The following CDYL2 variants were observed in gnomAD, a reference collection of about 807,000 sequenced individuals.
The protein encoded by CDYL2 is chromodomain Y like 2.
A neutral mutation model predicts 49.4 loss-of-function variants in CDYL2; 23 were observed. The ratio of observed to expected loss-of-function variants is 0.47; its 90% CI spans 0.34 to 0.66. The LOEUF (loss-of-function observed/expected upper bound fraction) is 0.66, where lower values mean the gene tolerates loss of function less well. CDYL2 is among the 30% of genes least tolerant of loss of function. The probability of loss-of-function intolerance (pLI) is 0.01; values close to 1 mark genes in which losing one functional copy is unlikely to be tolerated. For missense variants in CDYL2, 678 were observed against 656.4 expected (o/e 1.03, Z -0.36); for synonymous variants, 360 against 268.8 (o/e 1.34, Z -3.32).
At chr16:80,741,273 T>G (rs540181032) in intron 1 of CDYL2, among the ~76,000 whole-genome samples, 6 of 151,470 alleles carry the variant, frequency 4.0e-5, no homozygotes, top group Admixed American at 1.3e-4. Flanking sequence ...ACTGGTTAAG[T>G]AAAGGGAAAT....
At chr16:80,717,736 C>G (rs2142520588) in intron 1 of CDYL2, among the ~76,000 whole-genome samples, 1 of 152,308 alleles carries the variant, frequency 6.6e-6, no homozygotes, top group South Asian at 2.1e-4. Context: ...ATGTAAAAGG[C>G]AGACAGGAAA....
chr16:80,677,937 A>C (rs1909821505), intron 2 of CDYL2, among the ~76,000 whole-genome samples: 1 of 151,796 alleles, frequency 6.6e-6, no homozygotes, highest in African/African-American at 2.4e-5. Context: ...AACAGAACAG[A>C]GCCCTCAGAA....
intron 2 of CDYL2, among the ~76,000 whole-genome samples, chr16:80,664,753 C>G (rs777229531): frequency 1.3e-5 from 2 of 152,134 alleles, no homozygotes; most frequent in Non-Finnish European, 2.9e-5. Flanking sequence ...GATCTGAATC[C>G]TGGAACAGCC....
chr16:80,730,568 T>C (rs957324822), intron 1 of CDYL2, among the ~76,000 whole-genome samples: 8 of 151,608 alleles, frequency 5.3e-5, no homozygotes, highest in African/African-American at 1.2e-4. Flanking sequence ...TTCCAATCAA[T>C]AGAAAAAGAG....
intron 1 of CDYL2, among the ~76,000 whole-genome samples, chr16:80,774,023 C>CTA (rs1906997122): frequency 6.6e-6 from 1 of 151,988 alleles, no homozygotes. Flanking sequence ...TGGCAGCGTT[C>CTA]TATAAGGTGA....
At chr16:80,731,223 A>G (rs557167442) in intron 1 of CDYL2, among the ~76,000 whole-genome samples, 13 of 149,406 alleles carry the variant, frequency 8.7e-5, no homozygotes, top group Admixed American at 3.4e-4. Flanking sequence ...ACAAAACCAA[A>G]AAGTGAAGCT....
chr16:80,678,873 C>A (rs1302282506), intron 2 of CDYL2, among the ~76,000 whole-genome samples: 1 of 151,044 alleles, frequency 6.6e-6, no homozygotes, highest in African/African-American at 2.5e-5. Context: ...AAATGTCCAA[C>A]AATGATAGAT....
intron 1 of CDYL2, among the ~76,000 whole-genome samples, chr16:80,791,856 C>A (rs1393903279): frequency 6.6e-6 from 1 of 152,110 alleles, no homozygotes; most frequent in South Asian, 2.1e-4. Context: ...TGTTGAAAGA[C>A]TCATGAGTAT....
rs56923360 is a variant in CDYL2, at chr16:80,701,564, G to A, written c.25-16435C>T. 8.5e-5 allele frequency among the ~76,000 whole-genome samples: 13 copies of A among 152,156 alleles called. No individual in the cohort carries two copies. The East Asian group carries it at 1.3e-3, about 16-fold the overall frequency. On this transcript the variant is annotated intron_variant, in intron 1 of 6. Coordinates refer to ENST00000570137, the MANE Select transcript of CDYL2 (RefSeq NM_152342.4). Reference sequence around the variant, plus strand: ...TCCAAAAAACAACCAAAAAAACACCGAATTGCAAACGTTAACTTTCACAAG... The same window carrying A: ...TCCAAAAAACAACCAAAAAAACACCAAATTGCAAACGTTAACTTTCACAAG...
At chr16:80,688,895 CCAAAAACAAACAAA>C (rs1395031785) in intron 1 of CDYL2, among the ~76,000 whole-genome samples, 4 of 152,124 alleles carry the variant, frequency 2.6e-5, no homozygotes, top group East Asian at 1.9e-4. Flanking sequence ...ACTCCTCACA[CCAAAAACAAACAAA>C]CAAAAACAAA....
chr16:80,719,607 G>A (rs987261038), intron 1 of CDYL2, among the ~76,000 whole-genome samples: 1 of 152,166 alleles, frequency 6.6e-6, no homozygotes, highest in Non-Finnish European at 1.5e-5. Flanking sequence ...CAACAACTTA[G>A]AATTGAGACA....
intron 2 of CDYL2, among the ~76,000 whole-genome samples, chr16:80,672,464 T>C (rs958728502): frequency 2.4e-5 from 3 of 125,786 alleles, no homozygotes; most frequent in African/African-American, 9.2e-5. Flanking sequence ...CATTTTAAAA[T>C]GCCCAGGAAA....
chr16:80,730,549 C>T (rs886698865), intron 1 of CDYL2, among the ~76,000 whole-genome samples: 2 of 152,030 alleles, frequency 1.3e-5, no homozygotes, highest in African/African-American at 4.8e-5. Flanking sequence ...ACCATTCCTT[C>T]TGAAACTATT....
At chr16:80,708,619 G>A (rs73595115) in intron 1 of CDYL2, among the ~76,000 whole-genome samples, 1 of 152,142 alleles carries the variant, frequency 6.6e-6, no homozygotes, top group Non-Finnish European at 1.5e-5. Context: ...AAGGATTTCT[G>A]TCAAGGAGAA....
At chr16:80,610,816 C>A (rs1388759427) in intron 5 of CDYL2, among the ~76,000 whole-genome samples, 1 of 152,182 alleles carries the variant, frequency 6.6e-6, no homozygotes, top group East Asian at 1.9e-4. Flanking sequence ...GGGTGCTTCT[C>A]TGGCACTTTT....
intron 1 of CDYL2, among the ~76,000 whole-genome samples, chr16:80,780,897 G>C (rs570997496): frequency 6.6e-6 from 1 of 152,268 alleles, no homozygotes; most frequent in Admixed American, 6.5e-5. Flanking sequence ...ATTCTGACCT[G>C]TAGATGTTAA....
chr16:80,665,056 G>A (rs971693644), intron 2 of CDYL2, among the ~76,000 whole-genome samples: 1 of 152,084 alleles, frequency 6.6e-6, no homozygotes, highest in African/African-American at 2.4e-5. Flanking sequence ...CTGCTTCTAG[G>A]TATACAATAC....
chr16:80,722,738 C>G (rs1296110462), intron 1 of CDYL2, among the ~76,000 whole-genome samples: 3 of 152,134 alleles, frequency 2.0e-5, no homozygotes, highest in African/African-American at 7.2e-5. Context: ...TTGTACAGGG[C>G]TAGGAGCTGG....
chr16:80,671,739 C>T (rs752132549), intron 2 of CDYL2, among the ~76,000 whole-genome samples: 3 of 152,210 alleles, frequency 2.0e-5, no homozygotes, highest in Non-Finnish European at 4.4e-5. Flanking sequence ...TAAACACACA[C>T]GTCTGGCAAG....
Sources: gnomAD v4.1 joint callset for allele counts (sites outside exome capture counted in the v4.1 genomes callset) on GRCh38, gnomAD v4.1.1 for gene constraint, MANE v1.5 for transcripts, NCBI Gene and HGNC (gene_info 2026-07-23, HGNC 2026-07-21) for gene names.